The following PRKN variants were observed in gnomAD, a reference collection of about 807,000 sequenced individuals.
The protein encoded by PRKN is parkin RBR E3 ubiquitin protein ligase.
Under a neutral mutation model 59.5 loss-of-function variants are expected in PRKN, and 56 were observed. The ratio of observed to expected loss-of-function variants is 0.94; its 90% CI spans 0.76 to 1.18. The LOEUF (loss-of-function observed/expected upper bound fraction) is 1.18. Ranked by LOEUF, PRKN falls within the 50% of genes most tolerant of loss-of-function variation. The pLI, the probability that PRKN is intolerant of heterozygous loss-of-function variation, is 0.00. For synonymous variants in PRKN, 250 were observed against 222.1 expected, an observed-to-expected ratio of 1.13 and a Z score of -1.12; for missense variants, 657 against 596.4, an observed-to-expected ratio of 1.10 and a Z score of -1.06.
chr6:161,544,647 G>A lies in PRKN; in HGVS notation c.1083+4207C>T, dbSNP rs1779733428. On this transcript the variant is annotated intron_variant, in intron 9 of 11. Coordinates refer to ENST00000366898, the MANE Select transcript of PRKN (RefSeq NM_004562.3). The surrounding 1 kb of genome is among the most constrained non-coding windows in gnomAD (Gnocchi z 5.5). ...GGAAACCACTGTAACACTGCAGCTTGAATTCTGGGAGGTAGTACTTTCAAA... is the reference window on the plus strand; with the variant it reads ...GGAAACCACTGTAACACTGCAGCTTAAATTCTGGGAGGTAGTACTTTCAAA... Among the ~76,000 whole-genome samples the A allele has an allele frequency of 6.6e-6, 1 of 152,140 alleles. No homozygotes were observed. The highest frequency in any genetic ancestry group is 1.5e-5 in the Non-Finnish European group (1 of 68,018).
intron 5 of PRKN, among the ~76,000 whole-genome samples, chr6:162,014,521 G>T (rs1582896822): frequency 6.6e-6 from 1 of 152,130 alleles, no homozygotes; most frequent in East Asian, 1.9e-4. Context: ...AAAACTGCTG[G>T]AGCCTTTTGT....
At chr6:161,565,127 C>T (rs2051080167) in intron 8 of PRKN, among the ~76,000 whole-genome samples, 2 of 152,124 alleles carry the variant, frequency 1.3e-5, no homozygotes, top group African/African-American at 2.4e-5. Flanking sequence ...CTTAGATTCA[C>T]CCTCAGCTTA....
intron 2 of PRKN, among the ~76,000 whole-genome samples, chr6:162,290,475 C>T (rs1176129046): frequency 6.6e-6 from 1 of 151,794 alleles, no homozygotes; most frequent in East Asian, 1.9e-4. Flanking sequence ...TAATTTATTC[C>T]TTGTTAGATT....
intron 6 of PRKN, among the ~76,000 whole-genome samples, chr6:161,947,327 T>C (rs1779819163): frequency 6.6e-6 from 1 of 152,162 alleles, no homozygotes; most frequent in Admixed American, 6.5e-5. Flanking sequence ...AGTTCAAAAC[T>C]GTGGTGTTTA....
At chr6:162,330,867 G>A (rs1783539248) in intron 2 of PRKN, among the ~76,000 whole-genome samples, 1 of 152,164 alleles carries the variant, frequency 6.6e-6, no homozygotes, top group South Asian at 2.1e-4. Context: ...AACTCGTGTT[G>A]TGGAGGCATT....
At chr6:162,435,874 A>G (rs769866174) in intron 2 of PRKN, among the ~76,000 whole-genome samples, 1 of 152,146 alleles carries the variant, frequency 6.6e-6, no homozygotes, top group Non-Finnish European at 1.5e-5. Context: ...TCTTATAATC[A>G]GTTAAAATAG....
intron 4 of PRKN, among the ~76,000 whole-genome samples, chr6:162,071,762 T>C (rs191536823): frequency 9.6e-4 from 146 of 151,972 alleles, no homozygotes; most frequent in Middle Eastern, 6.8e-3. Context: ...CACCCACTAA[T>C]TTTTGTATTT....
chr6:161,782,192 C>G (rs149764416), intron 7 of PRKN, among the ~76,000 whole-genome samples: 1 of 151,994 alleles, frequency 6.6e-6, no homozygotes, highest in Non-Finnish European at 1.5e-5. Context: ...GTAAGCTATA[C>G]CTACACAAAG....
At chr6:162,349,934 T>C (rs890017719) in intron 2 of PRKN, among the ~76,000 whole-genome samples, 2 of 152,176 alleles carry the variant, frequency 1.3e-5, no homozygotes, top group Admixed American at 6.5e-5. Flanking sequence ...CCTTCAAAGA[T>C]GGCATAGTTT....
chr6:161,673,528 T>C (rs543680055), intron 7 of PRKN, among the ~76,000 whole-genome samples: 1 of 152,308 alleles, frequency 6.6e-6, no homozygotes, highest in African/African-American at 2.4e-5. Flanking sequence ...TTAACTACTT[T>C]GGCTTATTCC....
intron 1 of PRKN, among the ~76,000 whole-genome samples, chr6:162,559,272 T>A (rs202053993): frequency 1.4e-5 from 1 of 73,768 alleles, no homozygotes; most frequent in East Asian, 7.4e-4. Flanking sequence ...TAAATAATAC[T>A]ATGACACAGA....
intron 7 of PRKN, among the ~76,000 whole-genome samples, chr6:161,659,955 G>C (rs1784485063): frequency 6.6e-6 from 1 of 152,010 alleles, no homozygotes; most frequent in African/African-American, 2.4e-5. Context: ...GGTAGGGAGG[G>C]GTACTGGTTA....
At position 161,347,494 on chromosome 6, in the gene PRKN, A is replaced by T. The variant is rs1332441061; in HGVS notation, c.*2605T>A. ...ATCTCAACACACTTCAGAGAAAAAC[A>T]GACTTTTTCTGCAAAGACTTTATTT... is the stretch of plus-strand genomic sequence containing the variant. On this transcript the variant is annotated 3_prime_UTR_variant, in exon 12 of 12. Transcript: ENST00000366898. 2 of 152,190 alleles carry T rather than the reference A, an allele frequency of 1.3e-5. No individual in the cohort carries two copies. The highest frequency in any genetic ancestry group is 3.8e-4 in the East Asian group (2 of 5,204). 9.4% of individuals were successfully genotyped at this position (152,190 alleles called of 1,614,324 possible).
chr6:161,678,827 A>G (rs1046248595), intron 7 of PRKN, among the ~76,000 whole-genome samples: 1 of 152,158 alleles, frequency 6.6e-6, no homozygotes, highest in African/African-American at 2.4e-5. Context: ...TTGGCCTCCC[A>G]AAGTGCGGAG....
At chr6:161,677,966 C>T (rs892373965) in intron 7 of PRKN, among the ~76,000 whole-genome samples, 2 of 152,100 alleles carry the variant, frequency 1.3e-5, no homozygotes, top group African/African-American at 2.4e-5. Flanking sequence ...AGAACTGCCT[C>T]CAGGAGTGTT....
chr6:162,148,183 T>A (rs1173729981), intron 4 of PRKN, among the ~76,000 whole-genome samples: 1 of 152,190 alleles, frequency 6.6e-6, no homozygotes, highest in Admixed American at 6.5e-5. Flanking sequence ...AATTTATCTA[T>A]AAGTAGAGAA....
intron 3 of PRKN, among the ~76,000 whole-genome samples, chr6:162,224,436 A>C (rs1778074961): frequency 6.6e-6 from 1 of 152,134 alleles, no homozygotes; most frequent in Admixed American, 6.6e-5. Flanking sequence ...AGGTCTGTGT[A>C]AGTCCACTCC....
rs1778016045 is a variant in PRKN at position 161,502,938 on chromosome 6, A to G, written c.1083+45916T>C. Among the ~76,000 whole-genome samples the G allele has an allele frequency of 6.6e-6, 1 of 152,202 alleles. No homozygotes were observed. The highest frequency in any genetic ancestry group is 2.4e-5 in the African/African-American group (1 of 41,452). ...CCTTCACTTTCTTCATTTTAATTGT[A>G]GGAGGAGAACAGCACTTACTTCATG... On this transcript the variant is annotated intron_variant, in intron 9 of 11. Transcript: ENST00000366898. The surrounding 1 kb of genome is among the most constrained non-coding windows in gnomAD (Gnocchi z 4.0).
intron 9 of PRKN, among the ~76,000 whole-genome samples, chr6:161,449,918 C>T (rs1293499045): frequency 6.6e-6 from 1 of 152,196 alleles, no homozygotes; most frequent in East Asian, 1.9e-4. Context: ...CCCACACCCA[C>T]CCACGAGACT....
Sources: allele counts gnomAD v4.1 joint callset (sites outside exome capture counted in the v4.1 genomes callset), GRCh38; gene constraint gnomAD v4.1.1; non-coding constraint Gnocchi (gnomAD v3.1); transcripts MANE v1.5; gene names NCBI Gene and HGNC (gene_info 2026-07-23, HGNC 2026-07-21).